The following PCDHA3 variants were observed in gnomAD, a reference collection of about 807,000 sequenced individuals.
PCDHA3 encodes protocadherin alpha 3.
In PCDHA3, 41 loss-of-function variants were observed where a neutral mutation model predicts 62.2. The observed-to-expected ratio is 0.66, with a 90% CI of 0.51 to 0.86. The LOEUF (loss-of-function observed/expected upper bound fraction) is 0.86, where lower values mean the gene tolerates loss of function less well. Ranked by LOEUF, PCDHA3 falls within the 40% of genes least tolerant of loss-of-function variation. The pLI, the probability that PCDHA3 is intolerant of heterozygous loss-of-function variation, is 0.00. For missense variants in PCDHA3, 1,304 were observed against 1,241.2 expected (o/e 1.05, Z -0.76); for synonymous variants, 640 against 555.4 (o/e 1.15, Z -2.14).
chr5:140,857,651 AGC>A (rs2044749625), intron 1 of PCDHA3: 2 of 1,596,558 alleles, frequency 1.3e-6, no homozygotes, highest in Middle Eastern at 2.0e-4. Flanking sequence ...GTTCCAGGTG[AGC>A]GCGCGCGATG....
chr5:140,995,372 G>A (rs1363484150), intron 3 of PCDHA3, among the ~76,000 whole-genome samples: 3 of 152,168 alleles, frequency 2.0e-5, no homozygotes, highest in African/African-American at 7.2e-5. Context: ...GATGATTCAC[G>A]TACTGGGCAG....
intron 1 of PCDHA3, chr5:140,884,510 T>C: frequency 3.1e-6 from 5 of 1,613,982 alleles, no homozygotes; most frequent in Non-Finnish European, 3.4e-6. Context: ...GGCAGGGAGT[T>C]GGTCGTACTC....
chr5:140,954,638 T>C (rs1297767818), intron 1 of PCDHA3, among the ~76,000 whole-genome samples: 2 of 152,212 alleles, frequency 1.3e-5, no homozygotes, highest in Non-Finnish European at 2.9e-5. Flanking sequence ...TTCTTGTAAA[T>C]TTGTTTAAGT....
At chr5:140,955,929 C>T (rs567378851) in intron 1 of PCDHA3, among the ~76,000 whole-genome samples, 1 of 152,252 alleles carries the variant, frequency 6.6e-6, no homozygotes, top group East Asian at 1.9e-4. Flanking sequence ...GGAGTTCATT[C>T]ATAATATGGC....
chr5:140,946,297 T>C (rs1238627119), intron 1 of PCDHA3, among the ~76,000 whole-genome samples: 5 of 151,730 alleles, frequency 3.3e-5, no homozygotes, highest in Non-Finnish European at 7.4e-5. Flanking sequence ...ACCTCACACC[T>C]GGTAGAATGG....
At chr5:140,882,375 C>G (rs879994353) in intron 1 of PCDHA3, 2 of 1,614,094 alleles carry the variant, frequency 1.2e-6, no homozygotes, top group Non-Finnish European at 1.7e-6. Context: ...TACTCCGTCC[C>G]CGAGGAAGCA....
intron 1 of PCDHA3, chr5:140,823,634 C>A (rs367738406): frequency 1.2e-6 from 2 of 1,613,942 alleles, no homozygotes; most frequent in African/African-American, 2.7e-5. Flanking sequence ...GCGCGCATCC[C>A]GTTCCGCGTG....
In PCDHA3 at chr5:140,850,071, G is replaced by T. The variant is rs2150465789; in HGVS notation, c.2394+46480G>T. The T allele has an allele frequency of 1.4e-5, 22 of 1,596,556 alleles. 5 individuals carry two copies. The highest frequency in any genetic ancestry group is 1.6e-5 in the Non-Finnish European group (19 of 1,167,840). ...GTACGCGCTGCAGCCGTTGGACCAC[G>T]AGGAGCTGGAGCTGCTACAGTTCCA... On this transcript the variant is annotated intron_variant, in intron 1 of 3. Coordinates refer to ENST00000522353, the MANE Select transcript of PCDHA3 (RefSeq NM_018906.3).
intron 1 of PCDHA3, among the ~76,000 whole-genome samples, chr5:140,976,934 C>T (rs995021593): frequency 1.3e-5 from 2 of 152,170 alleles, no homozygotes; most frequent in African/African-American, 2.4e-5. Context: ...TGTGTAGCTA[C>T]TTAAAACATA....
chr5:140,957,169 A>T (rs868935808), intron 1 of PCDHA3, among the ~76,000 whole-genome samples: 16 of 152,164 alleles, frequency 1.1e-4, no homozygotes, highest in African/African-American at 3.9e-4. Flanking sequence ...CTAAGTATAT[A>T]AATTGGTTTA....
intron 1 of PCDHA3, chr5:140,842,642 T>C: frequency 6.3e-7 from 1 of 1,595,112 alleles, no homozygotes; most frequent in Non-Finnish European, 8.6e-7. Context: ...CACCGCCAGC[T>C]TGTCTGTGGA....
rs60032403 is a variant in PCDHA3 at position 140,941,214 on chromosome 5, C to CCTTT, written c.2395-37696_2395-37693dup. Among the ~76,000 whole-genome samples, 254 of 122,478 alleles carry CCTTT rather than the reference C, an allele frequency of 2.1e-3. 3 individuals carry two copies. The highest frequency in any genetic ancestry group is 3.1e-3 in the Non-Finnish European group (180 of 58,666). 80.4% of individuals were successfully genotyped at this position (122,478 alleles called of 152,430 possible). Reference sequence around the variant, plus strand: ...TTTTTTCTTTCTTCCTTTCTTTCTTCCTTTCTTTCTTTCTTTCTTTCTTTC... The same window carrying CCTTT: ...TTTTTTCTTTCTTCCTTTCTTTCTTCCTTTCTTTCTTTCTTTCTTTCTTTCTTTC... On this transcript the variant is annotated intron_variant, in intron 1 of 3. Coordinates refer to ENST00000522353, the MANE Select transcript of PCDHA3 (RefSeq NM_018906.3).
At chr5:140,857,595 T>C in intron 1 of PCDHA3, 2 of 1,595,942 alleles carry the variant, frequency 1.3e-6, no homozygotes, top group Non-Finnish European at 1.7e-6. Context: ...AGCGGCAAGG[T>C]GTACGCGCTG....
At chr5:140,905,116 C>A (rs570992369) in intron 1 of PCDHA3, among the ~76,000 whole-genome samples, 1 of 152,282 alleles carries the variant, frequency 6.6e-6, no homozygotes, top group Non-Finnish European at 1.5e-5. Context: ...TTGCCTAAGC[C>A]AATGTCTAGA....
At chr5:140,851,653 A>G (rs1438249700) in intron 1 of PCDHA3, 1 of 911,018 alleles carries the variant, frequency 1.1e-6, no homozygotes, top group Non-Finnish European at 1.3e-6. Flanking sequence ...TCAAGAAGAC[A>G]TTCTCCTTTT....
chr5:140,918,817 A>C (rs1554198772), intron 1 of PCDHA3, among the ~76,000 whole-genome samples: 1 of 62,248 alleles, frequency 1.6e-5, no homozygotes, highest in Non-Finnish European at 2.7e-5. Context: ...TGAACCAAAA[A>C]GTGGCCCCCT....
At chr5:140,950,384 T>C (rs1242946878) in intron 1 of PCDHA3, among the ~76,000 whole-genome samples, 8 of 152,028 alleles carry the variant, frequency 5.3e-5, no homozygotes, top group Non-Finnish European at 8.8e-5. Context: ...TCCATTTGAA[T>C]GATATAGAAT....
intron 1 of PCDHA3, among the ~76,000 whole-genome samples, chr5:140,911,440 A>C (rs151200639): frequency 6.6e-5 from 10 of 152,168 alleles, no homozygotes; most frequent in African/African-American, 1.7e-4. Context: ...ATTTCCCGCA[A>C]TTTCAGCTCT....
rs116232949 is a variant in PCDHA3, at chr5:140,982,448, G to A, written c.2454-27G>A. The A allele has an allele frequency of 4.0e-3, 6,396 of 1,613,770 alleles. 180 individuals carry two copies. In the African/African-American group the frequency reaches 0.067, roughly 17 times the overall value. ...ATGGGAAAGAATTTATGATCTAACC[G>A]TTATCTGGGTCTGTGTGTTTATTCA... On this transcript the variant is annotated intron_variant, in intron 2 of 3. Coordinates refer to ENST00000522353, the MANE Select transcript of PCDHA3 (RefSeq NM_018906.3).
Sources: allele counts gnomAD v4.1 joint callset (sites outside exome capture counted in the v4.1 genomes callset), GRCh38; gene constraint gnomAD v4.1.1; transcripts MANE v1.5; gene names NCBI Gene and HGNC (gene_info 2026-07-23, HGNC 2026-07-21).